ULK3: variants seen among roughly 807,000 people sequenced by gnomAD.
The protein encoded by ULK3 is serine/threonine-protein kinase ULK3.
A neutral mutation model predicts 69.4 loss-of-function variants in ULK3; 54 were observed. That is an observed-to-expected ratio of 0.78 (90% CI 0.63 to 0.98). ULK3 has a LOEUF of 0.98. Among genes scored for constraint, ULK3 ranks in the 50% least tolerant of loss-of-function variants. The pLI is 0.00. For missense variants in ULK3, 558 were observed against 627.7 expected (o/e 0.89, Z 1.19); for synonymous variants, 240 against 254.5 (o/e 0.94, Z 0.54).
At position 74,837,677 on chromosome 15, in the gene ULK3, G is replaced by C. The variant is rs1369950172; in HGVS notation, c.1335+74C>G. 7.3e-6 allele frequency: 11 copies of C among 1,503,766 alleles called. No homozygotes were observed. The Admixed American group carries it at 1.6e-4, about 21-fold the overall frequency. The allele number at this position is 1,503,766 out of a possible 1,614,324, so 93.2% of individuals were successfully genotyped here. ...GAGAGAGCAGACATACACCAGCAGG[G>C]GGGGACGACAGCCACAAGCAGAGAG... On this transcript the variant is annotated intron_variant, in intron 14 of 15. Coordinates refer to ENST00000440863, the MANE Select transcript of ULK3 (RefSeq NM_001099436.4).
At chr15:74,838,220 C>G (rs1459791689) in intron 12 of ULK3, 28 bp from the exon 13 acceptor site, 1 of 1,566,914 alleles carries the variant, frequency 6.4e-7, no homozygotes. Context: ...GTGGTGAGGA[C>G]AGGGTGGCCA....
At chr15:74,840,186 C>T (rs768382150) in intron 6 of ULK3, 48 bp downstream of exon 6, 9 of 1,562,180 alleles carry the variant, frequency 5.8e-6, no homozygotes, top group Non-Finnish European at 7.8e-6. Flanking sequence ...CCTCAGGGCC[C>T]TGACTCCCTC....
At chr15:74,837,829 G>T (rs1301383756) in intron 13 of ULK3, 31 bp from the exon 14 acceptor site, 1 of 1,573,478 alleles carries the variant, frequency 6.4e-7, no homozygotes, top group Non-Finnish European at 8.6e-7. Context: ...CTTGGGTGTG[G>T]GGGAGAGTGG....
At position 74,837,662 on chromosome 15, in the gene ULK3, A is replaced by G. The variant is rs1183633047; in HGVS notation, c.1335+89T>C. 31 of 1,418,096 alleles carry G rather than the reference A, an allele frequency of 2.2e-5. No homozygotes were observed. The Admixed American group carries it at 6.0e-4, about 28-fold the overall frequency. The allele number at this position is 1,418,096 out of a possible 1,614,324, so 87.8% of individuals were successfully genotyped here. ...GCCTGCAGAGGAGGCGAGAGAGCAG[A>G]CATACACCAGCAGGGGGGGACGACA... is the stretch of plus-strand genomic sequence containing the variant. On this transcript the variant is annotated intron_variant, in intron 14 of 15. Coordinates refer to ENST00000440863, the MANE Select transcript of ULK3 (RefSeq NM_001099436.4).
rs2064287956 is a variant in ULK3, at chr15:74,842,359, G to A, written c.164C>T (p.Ser55Leu). The A allele has an allele frequency of 1.2e-6, 2 of 1,613,966 alleles. No homozygotes were observed. The highest frequency in any genetic ancestry group is 1.1e-5 in the South Asian group (1 of 91,084). ...CVAKKSLNKA[S>L]VENLLTEIEI... Reference sequence around the variant, plus strand: ...AATCTCCGTGAGGAGGTTCTCCACCGATGCCTTGTTCAGACTTTTCTTGGC... The same window carrying A: ...AATCTCCGTGAGGAGGTTCTCCACCAATGCCTTGTTCAGACTTTTCTTGGC... Residue 55 changes from serine (S) to leucine (L), a missense_variant, in exon 2 of 16, where the codon TCG (serine) becomes TTG (leucine). Physicochemically the swap from Ser to Leu is moderately radical, Grantham distance 145. Transcript: ENST00000440863. The surrounding 1 kb of genome is among the most constrained non-coding windows in gnomAD (Gnocchi z 4.9).
rs751434583 is a variant in ULK3 at position 74,837,418 on chromosome 15, C to T, written c.1353G>A (p.Trp451Ter). ...KEQVKMRESR[W>*]EADTLDKEGL... ...CCTCTTTGTCCAGGGTGTCAGCTTCCCAGCGAGATTCCCTCATCTGTGGGA... is the reference window on the plus strand; with the variant it reads ...CCTCTTTGTCCAGGGTGTCAGCTTCTCAGCGAGATTCCCTCATCTGTGGGA... The change falls in exon 15 of 16, where the codon TGG becomes TGA. Residue 451 changes from tryptophan (W) to a stop codon, truncating the protein, a stop_gained. Transcript: ENST00000440863. LOFTEE classifies it high-confidence loss of function. 3 of 1,612,500 alleles carry T rather than the reference C, an allele frequency of 1.9e-6. No homozygotes were observed. Among genetic ancestry groups the T allele is most frequent in the South Asian group, 2.2e-5 (2 of 90,746 alleles).
Position 74,842,783 on chromosome 15 carries a change from T to C in ULK3, c.102+221A>G, listed in dbSNP as rs1170231888. 34 of 1,475,658 alleles carry C rather than the reference T, an allele frequency of 2.3e-5. No homozygotes were observed. The highest frequency in any genetic ancestry group is 2.8e-5 in the African/African-American group (2 of 71,824). 91.4% of individuals were successfully genotyped at this position (1,475,658 alleles called of 1,614,324 possible). ...CTCCCAGCCCACCAGGTAACCTGTT[T>C]TGAGCCTGTTCTTCAGCCACTGACC... On this transcript the variant is annotated intron_variant, in intron 1 of 15. Coordinates refer to ENST00000440863, the MANE Select transcript of ULK3 (RefSeq NM_001099436.4). The surrounding 1 kb of genome is among the most constrained non-coding windows in gnomAD (Gnocchi z 4.9).
At position 74,838,432 on chromosome 15, in the gene ULK3, GCA is replaced by G; in HGVS notation, c.1167+6_1167+7del. ...CGACCCACCTGGACCCCTCCCACTG[GCA>G]CAAACCTTGGCCATGGCAGCTGAAG... On this transcript the variant is annotated splice_donor_region_variant and intron_variant, in intron 11 of 15. Transcript: ENST00000440863. 1 of 1,572,658 alleles carries G rather than the reference GCA, an allele frequency of 6.4e-7. No individual in the cohort carries two copies. Among genetic ancestry groups the G allele is most frequent in the Non-Finnish European group, 8.6e-7 (1 of 1,159,038 alleles).
In ULK3 at chr15:74,839,258, T is replaced by C. The variant is rs751821735; in HGVS notation, c.958+10A>G. On this transcript the variant is annotated intron_variant, in intron 8 of 15. Transcript: ENST00000440863. ...GCACCCACGGGCTTCAGGCATGGCCTGGGACTCACAGTGCAGGGCAGGTAC... is the reference window on the plus strand; with the variant it reads ...GCACCCACGGGCTTCAGGCATGGCCCGGGACTCACAGTGCAGGGCAGGTAC... 65 of 1,553,780 alleles carry C rather than the reference T, an allele frequency of 4.2e-5. No homozygotes were observed. The highest frequency in any genetic ancestry group is 5.1e-5 in the Non-Finnish European group (58 of 1,148,194).
chr15:74,839,145 T>C, intron 8 of ULK3, 95 bp from the exon 9 acceptor site: 1 of 1,539,256 alleles, frequency 6.5e-7, no homozygotes, highest in Non-Finnish European at 8.8e-7. Context: ...TATTCCAGGT[T>C]TACGCTCTGC....
In ULK3 at chr15:74,842,272, G is replaced by C; in HGVS notation, c.243+8C>G. On this transcript the variant is annotated splice_region_variant and intron_variant, in intron 2 of 15. Transcript: ENST00000440863. The surrounding 1 kb of genome is among the most constrained non-coding windows in gnomAD (Gnocchi z 4.9). ...CCCTTTGGCAGCGGCCCCGCCCCAGGCTCACACCTGAAAGTCTTTCAGCTG... is the reference window on the plus strand; with the variant it reads ...CCCTTTGGCAGCGGCCCCGCCCCAGCCTCACACCTGAAAGTCTTTCAGCTG... 1 of 1,613,976 alleles carries C rather than the reference G, an allele frequency of 6.2e-7. No individual in the cohort carries two copies. The highest frequency in any genetic ancestry group is 8.5e-7 in the Non-Finnish European group (1 of 1,179,890).
rs367697831 is a variant in ULK3 at position 74,839,582 on chromosome 15, G to A, written c.828C>T (p.Pro276=). 5.1e-6 allele frequency: 8 copies of A among 1,563,114 alleles called. No individual in the cohort carries two copies. Among genetic ancestry groups the A allele is most frequent in the Non-Finnish European group, 6.9e-6 (8 of 1,155,152 alleles). Residue 276 remains proline, a synonymous_variant, in exon 7 of 16, where the codon CCC becomes CCT. Transcript: ENST00000440863. ...AHPWVDLEHM[P]SGESLGRATA... ...CTGCTCGCCCCAGACTCTCCCCACT[G>A]GGCATGTGCTCCAGGTCCACCCAGG... is the stretch of plus-strand genomic sequence containing the variant.
chr15:74,840,837 G>T, intron 4 of ULK3, 196 bp from the exon 5 acceptor site: 1 of 680,966 alleles, frequency 1.5e-6, no homozygotes, highest in Non-Finnish European at 2.3e-6. Flanking sequence ...ATCCTTCCCA[G>T]CTCCCTTGGG....
In ULK3 at chr15:74,839,028, C is replaced by T. The variant is rs1442834290; in HGVS notation, c.981G>A (p.Lys327=). 1 of 1,605,318 alleles carries T rather than the reference C, an allele frequency of 6.2e-7. No homozygotes were observed. Among genetic ancestry groups the T allele is most frequent in the African/African-American group, 1.3e-5 (1 of 74,762 alleles). ...CACCCACCTTTGCCTTAATTGCCTC[C>T]TTCCGCTGGGCATCCACTTCATCTG... ...ALHYEVDAQR[K]EAIKAKVGQY... is the part of the protein sequence containing the mutation. Residue 327 remains lysine, a synonymous_variant, in exon 9 of 16, where the codon AAG becomes AAA. Coordinates refer to ENST00000440863, the MANE Select transcript of ULK3 (RefSeq NM_001099436.4).
rs2064273974 is a variant in ULK3 at position 74,842,093 on chromosome 15, C to T, written c.346G>A (p.Val116Ile). The T allele has an allele frequency of 6.2e-7, 1 of 1,613,884 alleles. No individual in the cohort carries two copies. Residue 116 changes from valine (V) to isoleucine (I), a missense_variant, in exon 3 of 16, where the codon GTC becomes ATC. Transcript: ENST00000440863. This position sits in a 1 kb window ranked among gnomAD's most constrained non-coding sequence, Gnocchi z 4.9. ...CCTTTACCTAATTGCTGCATGAAGA[C>T]ACGCGCCACCTTCTCAGGCAGAATC... Reference protein sequence around the residue: ...RRILPEKVARVFMQQLASALQ... With the variant: ...RRILPEKVARIFMQQLASALQ...
At chr15:74,838,919 C>G (rs1372994910) in intron 9 of ULK3, 91 bp downstream of exon 9, 1 of 1,513,342 alleles carries the variant, frequency 6.6e-7, no homozygotes. Context: ...AGAGGAAGTT[C>G]CAATTCTAAG....
chr15:74,839,279 G>A lies in ULK3; in HGVS notation c.947C>T (p.Pro316Leu). Residue 316 changes from proline (P) to leucine (L), a missense_variant, in exon 8 of 16, where the codon CCT (proline) becomes CTT (leucine). Pro to Leu is a moderately conservative substitution (Grantham distance 98). Transcript: ENST00000440863. ...GGCCTGGGACTCACAGTGCAGGGCA[G>A]GTACAAAGAAGTCCAGAGCCTTGCA... Reference protein sequence around the residue: ...LYCKALDFFVPALHYEVDAQR... With the variant: ...LYCKALDFFVLALHYEVDAQR... 2 of 1,558,576 alleles carry A rather than the reference G, an allele frequency of 1.3e-6. No individual in the cohort carries two copies. Among genetic ancestry groups the A allele is most frequent in the East Asian group, 2.4e-5 (1 of 41,456 alleles).
chr15:74,843,145 G>A lies in ULK3; in HGVS notation c.-40C>T. ...CCCGCGCGGGCGCTTCCTCGCTGCG[G>A]GCGGCGGTTCCGGCGGGTTGCGGGG... is the stretch of plus-strand genomic sequence containing the variant. On this transcript the variant is annotated 5_prime_UTR_variant, in exon 1 of 16. Transcript: ENST00000440863. 1 of 1,204,156 alleles carries A rather than the reference G, an allele frequency of 8.3e-7. No individual in the cohort carries two copies. The highest frequency in any genetic ancestry group is 1.0e-6 in the Non-Finnish European group (1 of 957,548). 74.6% of individuals were successfully genotyped at this position (1,204,156 alleles called of 1,614,324 possible). A position where few individuals can be genotyped will look rare whatever the true frequency, so the allele number is the denominator to read the frequency against.
chr15:74,842,499 C>T lies in ULK3; in HGVS notation c.103-79G>A. ...TGACTGGAAAGGCTCTATCTGGTTC[C>T]CTCTGTTCCCCCACCCCGCCCCTCC... On this transcript the variant is annotated intron_variant, in intron 1 of 15. Coordinates refer to ENST00000440863, the MANE Select transcript of ULK3 (RefSeq NM_001099436.4). This position sits in a 1 kb window ranked among gnomAD's most constrained non-coding sequence, Gnocchi z 4.9. The T allele has an allele frequency of 1.2e-6, 2 of 1,607,468 alleles. No homozygotes were observed. Among genetic ancestry groups the T allele is most frequent in the Non-Finnish European group, 1.7e-6 (2 of 1,179,708 alleles).
Sources: gnomAD v4.1 joint callset for allele counts on GRCh38, gnomAD v4.1.1 for gene constraint, Gnocchi (gnomAD v3.1) non-coding constraint, MANE v1.5 for transcripts, NCBI Gene and HGNC (gene_info 2026-07-23, HGNC 2026-07-21) for gene names.